PTPRD: variants seen among roughly 807,000 people sequenced by gnomAD.
PTPRD encodes the protein receptor-type tyrosine-protein phosphatase delta.
A neutral mutation model predicts 214.5 loss-of-function variants in PTPRD; 34 were observed. The observed-to-expected ratio is 0.16, with a 90% CI of 0.12 to 0.21. The LOEUF is 0.21. Ranked by LOEUF, PTPRD falls within the 10% of genes least tolerant of loss-of-function variation. The pLI is 1.00. For missense variants in PTPRD, 2,545 were observed against 2,398.7 expected (o/e 1.06, Z -1.27); for synonymous variants, 1,128 against 845.7 (o/e 1.33, Z -5.79).
At chr9:8,340,213 G>A in intron 42 of PTPRD, 130 bp downstream of exon 42, 1 of 1,057,242 alleles carries the variant, frequency 9.5e-7, no homozygotes, top group Admixed American at 2.8e-5. Context: ...AGGAATGATG[G>A]TCCGGATTAT....
intron 10 of PTPRD, among the ~76,000 whole-genome samples, chr9:9,163,389 C>G (rs1304324126): frequency 6.6e-6 from 1 of 152,038 alleles, no homozygotes; most frequent in Non-Finnish European, 1.5e-5. Context: ...TTCTCTATCT[C>G]AGAAATTCCA....
Position 9,246,534 on chromosome 9 carries a change from A to G in PTPRD, c.-202-63171T>C, listed in dbSNP as rs1356107903. Among the ~76,000 whole-genome samples, 4 of 152,054 alleles carry G rather than the reference A, an allele frequency of 2.6e-5. No homozygotes were observed. The East Asian group carries it at 7.7e-4, about 29-fold the overall frequency. On this transcript the variant is annotated intron_variant, in intron 9 of 45. Transcript: ENST00000381196. ...AAAATGCATCAAGCTCAAATCTAGA[A>G]ATCTTCTCAACTGGCTATCCCCCAG...
chr9:8,322,729 C>T (rs1446318350), intron 44 of PTPRD, among the ~76,000 whole-genome samples: 2 of 152,090 alleles, frequency 1.3e-5, no homozygotes, highest in Admixed American at 6.6e-5. Context: ...ATGAAGGTGG[C>T]TACATTAAAA....
At chr9:9,957,299 G>A (rs1201417036) in intron 4 of PTPRD, among the ~76,000 whole-genome samples, 1 of 152,022 alleles carries the variant, frequency 6.6e-6, no homozygotes, top group Non-Finnish European at 1.5e-5. Flanking sequence ...ATAAAATCCT[G>A]TGAAACATTA....
At chr9:10,336,881 G>C in intron 3 of PTPRD, among the ~76,000 whole-genome samples, 1 of 151,572 alleles carries the variant, frequency 6.6e-6, no homozygotes, top group Non-Finnish European at 1.5e-5. Flanking sequence ...AGGGACTAAA[G>C]TCATTCTCTA....
chr9:9,901,647 G>C (rs1217403875), intron 5 of PTPRD, among the ~76,000 whole-genome samples: 4 of 152,138 alleles, frequency 2.6e-5, no homozygotes, highest in South Asian at 2.1e-4. Context: ...TCCGAAGCTA[G>C]TGGTGAGTTG....
chr9:9,192,998 G>A (rs1217892537), intron 9 of PTPRD, among the ~76,000 whole-genome samples: 2 of 152,044 alleles, frequency 1.3e-5, no homozygotes, highest in African/African-American at 2.4e-5. Context: ...TCCTTTGAAT[G>A]AAACCAGATT....
chr9:10,438,540 A>G (rs922572589), intron 2 of PTPRD, among the ~76,000 whole-genome samples: 26 of 151,398 alleles, frequency 1.7e-4, no homozygotes, highest in Non-Finnish European at 8.9e-5. Flanking sequence ...TGTTTCCGCC[A>G]CTCCCAAGGT....
intron 9 of PTPRD, among the ~76,000 whole-genome samples, chr9:9,309,098 A>T (rs1175888186): frequency 6.6e-6 from 1 of 152,114 alleles, no homozygotes; most frequent in Non-Finnish European, 1.5e-5. Context: ...AAAAACCAAG[A>T]ATTTATTTGA....
chr9:9,522,992 T>C (rs1184146856), intron 8 of PTPRD, among the ~76,000 whole-genome samples: 2 of 152,254 alleles, frequency 1.3e-5, no homozygotes, highest in East Asian at 1.9e-4. Flanking sequence ...AGGCCATGTA[T>C]ATAGCAGAAA....
intron 39 of PTPRD, among the ~76,000 whole-genome samples, chr9:8,346,418 T>G (rs1272882795): frequency 2.0e-5 from 3 of 152,178 alleles, no homozygotes; most frequent in Non-Finnish European, 4.4e-5. Flanking sequence ...TGGTTTTGAC[T>G]TTCTGCAATC....
intron 11 of PTPRD, among the ~76,000 whole-genome samples, chr9:8,757,101 C>T (rs2094048908): frequency 6.6e-6 from 1 of 152,202 alleles, no homozygotes; most frequent in Non-Finnish European, 1.5e-5. Context: ...AAGATCGTGC[C>T]AGTGCACTCC....
intron 39 of PTPRD, among the ~76,000 whole-genome samples, chr9:8,353,556 C>G (rs898095194): frequency 6.6e-6 from 1 of 152,028 alleles, no homozygotes; most frequent in African/African-American, 2.4e-5. Context: ...CCTCAGCCTC[C>G]TGAGTAGCTG....
chr9:8,790,239 C>T (rs911306631), intron 11 of PTPRD, among the ~76,000 whole-genome samples: 5 of 151,966 alleles, frequency 3.3e-5, no homozygotes, highest in Admixed American at 1.3e-4. Context: ...TGGTCTCCAA[C>T]CCCTGACCTG....
At chr9:9,801,261 A>G (rs890550515) in intron 5 of PTPRD, among the ~76,000 whole-genome samples, 3 of 152,090 alleles carry the variant, frequency 2.0e-5, no homozygotes, top group Admixed American at 2.0e-4. Context: ...TCCTCTCTTG[A>G]CAAAGTAAAG....
chr9:8,946,041 T>C (rs1025508297), intron 11 of PTPRD, among the ~76,000 whole-genome samples: 4 of 152,320 alleles, frequency 2.6e-5, no homozygotes, highest in East Asian at 3.9e-4. Context: ...GCATGAGATA[T>C]TGATTTAATT....
chr9:9,525,396 A>G (rs2073889595), intron 8 of PTPRD, among the ~76,000 whole-genome samples: 1 of 152,194 alleles, frequency 6.6e-6, no homozygotes, highest in African/African-American at 2.4e-5. Flanking sequence ...GTATACTGCA[A>G]TCGATGTTCC....
chr9:8,950,251 T>A (rs2099094228), intron 11 of PTPRD, among the ~76,000 whole-genome samples: 1 of 152,136 alleles, frequency 6.6e-6, no homozygotes, highest in Non-Finnish European at 1.5e-5. Context: ...ATTTCTGGAA[T>A]CAGGGTTGTA....
At chr9:8,565,124 T>C (rs1028703044) in intron 14 of PTPRD, among the ~76,000 whole-genome samples, 2 of 152,224 alleles carry the variant, frequency 1.3e-5, no homozygotes, top group South Asian at 2.1e-4. Context: ...ATCTGCTCCC[T>C]GCTCGTGGAG....
Sources: allele counts gnomAD v4.1 joint callset (sites outside exome capture counted in the v4.1 genomes callset), GRCh38; gene constraint gnomAD v4.1.1; transcripts MANE v1.5; gene names NCBI Gene and HGNC (gene_info 2026-07-23, HGNC 2026-07-21).